Variants in CRTAC1 observed in about 807,000 individuals in gnomAD.
The protein encoded by CRTAC1 is acidic secreted protein in cartilage.
In CRTAC1, 37 loss-of-function variants were observed where a neutral mutation model predicts 67.8. That is an observed-to-expected ratio of 0.55 (90% confidence interval 0.42 to 0.72). The LOEUF (loss-of-function observed/expected upper bound fraction) is 0.72. CRTAC1 is among the 30% of genes least tolerant of loss of function. The pLI is 0.00. For synonymous variants in CRTAC1, 348 were observed against 371.0 expected (o/e 0.94, Z 0.71); for missense variants, 780 against 931.6 (o/e 0.84, Z 2.12).
chr10:97,891,479 G>A (rs1472058604), intron 11 of CRTAC1, among the ~76,000 whole-genome samples: 1 of 152,220 alleles, frequency 6.6e-6, no homozygotes, highest in Non-Finnish European at 1.5e-5. Context: ...GAACAAAACT[G>A]ATTTCTCTCG....
chr10:97,962,483 ATTGT>A (rs1224896168), intron 2 of CRTAC1, among the ~76,000 whole-genome samples: 3 of 152,212 alleles, frequency 2.0e-5, no homozygotes, highest in Non-Finnish European at 4.4e-5. Flanking sequence ...TAGGCTACTG[ATTGT>A]TGTTTGTTTC....
At chr10:97,950,740 T>C (rs1053863916) in intron 2 of CRTAC1, among the ~76,000 whole-genome samples, 2 of 152,176 alleles carry the variant, frequency 1.3e-5, no homozygotes, top group Admixed American at 6.5e-5. Context: ...AAAAGGCCTA[T>C]TCTGCTAGCC....
chr10:97,987,607 T>A (rs182254603), intron 2 of CRTAC1, among the ~76,000 whole-genome samples: 1 of 152,260 alleles, frequency 6.6e-6, no homozygotes, highest in Non-Finnish European at 1.5e-5. Context: ...GGCGTTTATG[T>A]GCACGAGTGT....
chr10:97,895,925 T>G lies in CRTAC1; in HGVS notation c.1277A>C (p.Glu426Ala). 1 of 1,613,842 alleles carries G rather than the reference T, an allele frequency of 6.2e-7. No individual in the cohort carries two copies. Among genetic ancestry groups the G allele is most frequent in the Non-Finnish European group, 8.5e-7 (1 of 1,179,858 alleles). Residue 426 changes from glutamate to alanine, a missense_variant, in exon 10 of 15, where the codon GAG becomes GCG. Glu to Ala is a moderately radical substitution (Grantham distance 107). Coordinates refer to ENST00000370597, the MANE Select transcript of CRTAC1 (RefSeq NM_018058.7). This position sits in a 1 kb window ranked among gnomAD's most constrained non-coding sequence, Gnocchi z 4.2. ...GACGGACAGCGGCTGAGCCATGGAC[T>G]CTCCATGGGACAAGATGAGGTCCAG... Reference protein sequence around the residue: ...GMLDLILSHGESMAQPLSVFR... With the variant: ...GMLDLILSHGASMAQPLSVFR...
At chr10:97,969,872 A>G (rs2051680020) in intron 2 of CRTAC1, among the ~76,000 whole-genome samples, 1 of 151,996 alleles carries the variant, frequency 6.6e-6, no homozygotes. Context: ...CTCACACAGT[A>G]TCAGGGCTTT....
At chr10:97,920,607 A>G (rs1231344560) in intron 4 of CRTAC1, among the ~76,000 whole-genome samples, 2 of 152,124 alleles carry the variant, frequency 1.3e-5, no homozygotes, top group Non-Finnish European at 2.9e-5. Context: ...TGATGCTGAC[A>G]CTGCTGGTCT....
At chr10:98,020,942 G>A (rs1590300017) in intron 1 of CRTAC1, among the ~76,000 whole-genome samples, 1 of 152,308 alleles carries the variant, frequency 6.6e-6, no homozygotes, top group East Asian at 1.9e-4. Context: ...TGGGCTGGAA[G>A]CAAAGAAGCC....
At chr10:97,961,781 C>G (rs2051529669) in intron 2 of CRTAC1, among the ~76,000 whole-genome samples, 1 of 152,148 alleles carries the variant, frequency 6.6e-6, no homozygotes, top group Non-Finnish European at 1.5e-5. Flanking sequence ...GCCTATAAAG[C>G]CCCAGTAGTC....
chr10:97,885,049 A>G (rs1190851784), intron 11 of CRTAC1, among the ~76,000 whole-genome samples: 1 of 152,200 alleles, frequency 6.6e-6, no homozygotes, highest in African/African-American at 2.4e-5. Flanking sequence ...CCAGTTGGGG[A>G]GACAAGCAAA....
chr10:98,002,329 GT>G (rs201665749), intron 2 of CRTAC1, among the ~76,000 whole-genome samples: 26 of 151,458 alleles, frequency 1.7e-4, no homozygotes, highest in Middle Eastern at 3.4e-3. Context: ...TGAAAATCAG[GT>G]TTTTTTTTGT....
intron 2 of CRTAC1, among the ~76,000 whole-genome samples, chr10:98,006,608 G>A (rs1054574913): frequency 6.6e-6 from 1 of 152,118 alleles, no homozygotes; most frequent in Non-Finnish European, 1.5e-5. Flanking sequence ...TACCCAGAAC[G>A]AGGACACCGA....
At chr10:97,884,414 T>C (rs1278194010) in intron 11 of CRTAC1, 63 bp from the exon 12 acceptor site, 1 of 1,430,796 alleles carries the variant, frequency 7.0e-7, no homozygotes, top group African/African-American at 1.4e-5. Context: ...AGCGGAAGCA[T>C]CAGCATCAAC....
At chr10:97,938,892 C>T (rs1590223549) in intron 2 of CRTAC1, among the ~76,000 whole-genome samples, 1 of 152,196 alleles carries the variant, frequency 6.6e-6, no homozygotes. Flanking sequence ...GCCCTCTGCT[C>T]CATTCAACTA....
chr10:97,895,158 G>T lies in CRTAC1; in HGVS notation c.1486+87C>A. ...CATGGCTGTCACAGTAGAGCGGAGC[G>T]GTGCCCAAGGATGCTCGGGCTGTGA... On this transcript the variant is annotated intron_variant, in intron 11 of 14. Coordinates refer to ENST00000370597, the MANE Select transcript of CRTAC1 (RefSeq NM_018058.7). This position sits in a 1 kb window ranked among gnomAD's most constrained non-coding sequence, Gnocchi z 4.2. 1 of 1,326,390 alleles carries T rather than the reference G, an allele frequency of 7.5e-7. No individual in the cohort carries two copies. Among genetic ancestry groups the T allele is most frequent in the South Asian group, 1.3e-5 (1 of 76,770 alleles). 82.2% of individuals were successfully genotyped at this position (1,326,390 alleles called of 1,614,324 possible). A position where few individuals can be genotyped will look rare whatever the true frequency, so the allele number is the denominator to read the frequency against.
At chr10:97,968,629 G>A (rs1046450073) in intron 2 of CRTAC1, among the ~76,000 whole-genome samples, 4 of 152,210 alleles carry the variant, frequency 2.6e-5, no homozygotes, top group Non-Finnish European at 5.9e-5. Flanking sequence ...GGAATTGACT[G>A]TCCTGAACAC....
intron 2 of CRTAC1, among the ~76,000 whole-genome samples, chr10:97,985,137 A>T (rs1194104133): frequency 6.6e-6 from 1 of 152,192 alleles, no homozygotes; most frequent in African/African-American, 2.4e-5. Flanking sequence ...GAAACTGCCC[A>T]CAAAAGGGGA....
intron 8 of CRTAC1, among the ~76,000 whole-genome samples, chr10:97,900,677 C>G (rs1479573268): frequency 7.2e-6 from 1 of 138,272 alleles, no homozygotes; most frequent in East Asian, 2.2e-4. Context: ...CCTGTAGCCC[C>G]TTTTCCTGGT....
chr10:97,962,733 C>T (rs1329273421), intron 2 of CRTAC1, among the ~76,000 whole-genome samples: 1 of 151,712 alleles, frequency 6.6e-6, no homozygotes, highest in Admixed American at 6.6e-5. Flanking sequence ...GAGAGTTCCA[C>T]ATGAATCCAA....
intron 14 of CRTAC1, chr10:97,878,480 G>T (rs888420555): frequency 1.5e-6 from 1 of 646,078 alleles, no homozygotes; most frequent in Non-Finnish European, 2.1e-6. Context: ...TTTTTAAAAG[G>T]GTTGCTGCAT....
Sources: gnomAD v4.1 joint callset for allele counts (sites outside exome capture counted in the v4.1 genomes callset) on GRCh38, gnomAD v4.1.1 for gene constraint, Gnocchi (gnomAD v3.1) non-coding constraint, MANE v1.5 for transcripts, NCBI Gene and HGNC (gene_info 2026-07-23, HGNC 2026-07-21) for gene names.